PDE5A: variants seen among roughly 807,000 people sequenced by gnomAD.
PDE5A encodes phosphodiesterase 5A.
Under a neutral mutation model 110.2 loss-of-function variants are expected in PDE5A, and 67 were observed. That is an observed-to-expected ratio of 0.61 (90% CI 0.50 to 0.75). The LOEUF (loss-of-function observed/expected upper bound fraction) is 0.75, where lower values mean the gene tolerates loss of function less well. Ranked by LOEUF, PDE5A falls within the 30% of genes least tolerant of loss-of-function variation. PDE5A has a pLI of 0.00. For synonymous variants in PDE5A, 328 were observed against 351.2 expected, an observed-to-expected ratio of 0.93 and a Z score of 0.74; for missense variants, 862 against 1,045.1, an observed-to-expected ratio of 0.82 and a Z score of 2.42.
At chr4:119,593,549 G>A (rs764005061) in intron 3 of PDE5A, among the ~76,000 whole-genome samples, 25 of 152,136 alleles carry the variant, frequency 1.6e-4, no homozygotes, top group Non-Finnish European at 2.9e-4. Flanking sequence ...GTGACAAAAA[G>A]CAGATCAGTG....
chr4:119,520,978 G>A lies in PDE5A; in HGVS notation c.1862C>T (p.Thr621Ile). ...TAGAGCAGCAAACATGCACTGAGCT[G>A]TATTAAAGGCATGTCTCCAATTATG... ...AYHNWRHAFNTAQCMFAALKA... is the reference protein window; with the variant it reads ...AYHNWRHAFNIAQCMFAALKA... The change falls in exon 13 of 21, where the codon ACA (threonine) becomes ATA (isoleucine). Residue 621 changes from threonine (T) to isoleucine (I), a missense_variant. Coordinates refer to ENST00000354960, the MANE Select transcript of PDE5A (RefSeq NM_001083.4). The A allele has an allele frequency of 6.2e-7, 1 of 1,612,822 alleles. No individual in the cohort carries two copies. The highest frequency in any genetic ancestry group is 1.1e-5 in the South Asian group (1 of 90,992).
chr4:119,569,175 T>G (rs1728051251), intron 3 of PDE5A, among the ~76,000 whole-genome samples: 1 of 151,866 alleles, frequency 6.6e-6, no homozygotes, highest in Non-Finnish European at 1.5e-5. Flanking sequence ...TGGGACTACT[T>G]GGAAGGCATG....
chr4:119,517,438 G>A (rs1421319285), intron 14 of PDE5A, among the ~76,000 whole-genome samples: 2 of 150,800 alleles, frequency 1.3e-5, no homozygotes, highest in African/African-American at 4.9e-5. Flanking sequence ...AAAATTCTTG[G>A]TTTCCTCTAC....
Position 119,525,102 on chromosome 4 carries a change from T to C in PDE5A, c.1779+447A>G, listed in dbSNP as rs139238719. On this transcript the variant is annotated intron_variant, in intron 12 of 20. Transcript: ENST00000354960. The surrounding 1 kb of genome is among the most constrained non-coding windows in gnomAD (Gnocchi z 4.3). ...TATTGTTATAACCATTGCAGTGAGA[T>C]CATGCTACTTCTCTGCATAAAATTC... Among the ~76,000 whole-genome samples the C allele has an allele frequency of 3.1e-4, 47 of 152,244 alleles. No homozygotes were observed. In the East Asian group the frequency reaches 8.3e-3, roughly 27 times the overall value.
At chr4:119,602,910 G>C (rs1466820835) in intron 2 of PDE5A, among the ~76,000 whole-genome samples, 1 of 152,204 alleles carries the variant, frequency 6.6e-6, no homozygotes, top group African/African-American at 2.4e-5. Flanking sequence ...GGTTCACATG[G>C]AGTGTCTGTC....
chr4:119,549,461 T>C (rs1727260741), intron 9 of PDE5A: 1 of 152,214 alleles, frequency 6.6e-6, no homozygotes, highest in Non-Finnish European at 1.5e-5. Flanking sequence ...CATATTTCTC[T>C]GTCAAACAAT....
Position 119,628,701 on chromosome 4 carries a change from T to A in PDE5A, c.-30A>T, listed in dbSNP as rs763640017. 1.9e-6 allele frequency: 3 copies of A among 1,606,714 alleles called. No homozygotes were observed. Among genetic ancestry groups the A allele is most frequent in the African/African-American group, 2.7e-5 (2 of 75,030 alleles). ...GGCACCGCGCGCCTCGGAGGCTCTC[T>A]GGTACTGCTTTTCCACCCCAGCTGG... is the stretch of plus-strand genomic sequence containing the variant. On this transcript the variant is annotated 5_prime_UTR_variant, in exon 1 of 21. Transcript: ENST00000354960.
intron 2 of PDE5A, among the ~76,000 whole-genome samples, chr4:119,604,398 G>A (rs971590336): frequency 6.6e-6 from 1 of 152,150 alleles, no homozygotes; most frequent in Admixed American, 6.6e-5. Flanking sequence ...GAATATTTAT[G>A]ATCCTACTGT....
At chr4:119,618,425 T>C (rs1437030464) in intron 1 of PDE5A, among the ~76,000 whole-genome samples, 3 of 152,182 alleles carry the variant, frequency 2.0e-5, no homozygotes, top group African/African-American at 7.2e-5. Context: ...AGGTATTTCA[T>C]ATTAAAATAA....
chr4:119,533,001 G>A (rs2110479582), intron 11 of PDE5A, among the ~76,000 whole-genome samples: 1 of 152,256 alleles, frequency 6.6e-6, no homozygotes, highest in South Asian at 2.1e-4. Context: ...TATTCAGAAA[G>A]TTATTTATTA....
At chr4:119,524,565 A>C (rs3822192) in intron 12 of PDE5A, among the ~76,000 whole-genome samples, 37,433 of 152,068 alleles carry the variant, frequency 0.25, 4,952 homozygotes, top group East Asian at 0.38. Context: ...TATTAATCTT[A>C]GCTATATTCA....
At chr4:119,583,524 C>T (rs6834347) in intron 3 of PDE5A, among the ~76,000 whole-genome samples, 116,561 of 152,120 alleles carry the variant, frequency 0.77, 44,908 homozygotes, top group East Asian at 0.89. Context: ...CCTTTGTGTC[C>T]ACAACTTGGC....
At chr4:119,545,175 T>G (rs1369739777) in intron 9 of PDE5A, among the ~76,000 whole-genome samples, 1 of 152,162 alleles carries the variant, frequency 6.6e-6, no homozygotes, top group African/African-American at 2.4e-5. Flanking sequence ...GAAAGTTTAA[T>G]TCTATCAAGC....
At chr4:119,553,794 C>T in intron 7 of PDE5A, 48 bp from the exon 8 acceptor site, 1 of 894,170 alleles carries the variant, frequency 1.1e-6, no homozygotes, top group Admixed American at 2.0e-5. Context: ...TAAAAAAAAG[C>T]ATGGGCAAAC....
chr4:119,568,014 C>CTAAT (rs748538765), intron 3 of PDE5A, among the ~76,000 whole-genome samples: 1 of 152,050 alleles, frequency 6.6e-6, no homozygotes, highest in Non-Finnish European at 1.5e-5. Flanking sequence ...TTTCTCAGCT[C>CTAAT]ATTATAGTAT....
At chr4:119,611,021 G>A (rs1220199280) in intron 1 of PDE5A, among the ~76,000 whole-genome samples, 1 of 152,102 alleles carries the variant, frequency 6.6e-6, no homozygotes, top group African/African-American at 2.4e-5. Flanking sequence ...CCTACAAATA[G>A]GTTCCTCTCG....
intron 3 of PDE5A, among the ~76,000 whole-genome samples, chr4:119,569,499 A>G (rs1728067044): frequency 6.7e-6 from 1 of 148,972 alleles, no homozygotes; most frequent in East Asian, 1.9e-4. Flanking sequence ...CAATAAATAA[A>G]GAAATATTAA....
intron 3 of PDE5A, among the ~76,000 whole-genome samples, chr4:119,589,520 C>G (rs1728888006): frequency 6.6e-6 from 1 of 152,008 alleles, no homozygotes; most frequent in Non-Finnish European, 1.5e-5. Flanking sequence ...ATACAAATGA[C>G]AAAGATAAAA....
chr4:119,548,044 ATTT>A lies in PDE5A; in HGVS notation c.1396+4503_1396+4505del, dbSNP rs11438089. Among the ~76,000 whole-genome samples, 794 of 94,752 alleles carry A rather than the reference ATTT, an allele frequency of 8.4e-3. 4 individuals are homozygous for A. Among genetic ancestry groups the A allele is most frequent in the African/African-American group, 0.031 (753 of 23,950 alleles). The allele number at this position is 94,752 out of a possible 152,430, so 62.2% of individuals were successfully genotyped here. Reference sequence around the variant, plus strand: ...GATCACTTTGTCCATTTCTCCGTGTATTTTTTTTTTTTTTTTTTTTTTGAGACG... The same window carrying A: ...GATCACTTTGTCCATTTCTCCGTGTATTTTTTTTTTTTTTTTTTTGAGACG... On this transcript the variant is annotated intron_variant, in intron 9 of 20. Coordinates refer to ENST00000354960, the MANE Select transcript of PDE5A (RefSeq NM_001083.4).
Sources: gnomAD v4.1 joint callset for allele counts (sites outside exome capture counted in the v4.1 genomes callset) on GRCh38, gnomAD v4.1.1 for gene constraint, Gnocchi (gnomAD v3.1) non-coding constraint, MANE v1.5 for transcripts, NCBI Gene and HGNC (gene_info 2026-07-23, HGNC 2026-07-21) for gene names.